AGAP1: variants seen among roughly 807,000 people sequenced by gnomAD.
The protein encoded by AGAP1 is ArfGAP with GTPase domain, ankyrin repeat and PH domain 1.
AGAP1 carries 29 observed loss-of-function variants against 105.3 expected under a neutral mutation model. That is an observed-to-expected ratio of 0.28 (90% CI 0.21 to 0.38). AGAP1 has a LOEUF of 0.38. AGAP1 is among the 10% of genes least tolerant of loss of function. AGAP1 has a pLI of 1.00. For synonymous variants in AGAP1, 509 were observed against 485.9 expected (o/e 1.05, Z -0.63); for missense variants, 998 against 1,165.1 (o/e 0.86, Z 2.09).
chr2:236,049,310 C>T (rs751899886), intron 16 of AGAP1, 29 bp downstream of exon 16: 99 of 1,591,964 alleles, frequency 6.2e-5, no homozygotes, highest in South Asian at 1.8e-4. Flanking sequence ...GCCTGGCTCC[C>T]GACACGTTTG....
rs1254586595 is a variant in AGAP1, at chr2:235,875,052, G to C, written c.1051-8293G>C. 1.3e-5 allele frequency among the ~76,000 whole-genome samples: 2 copies of C among 152,128 alleles called. No individual in the cohort carries two copies. Among genetic ancestry groups the C allele is most frequent in the Non-Finnish European group, 2.9e-5 (2 of 68,022 alleles). On this transcript the variant is annotated intron_variant, in intron 9 of 17. Transcript: ENST00000304032. This position sits in a 1 kb window ranked among gnomAD's most constrained non-coding sequence, Gnocchi z 4.0. The stretch of plus-strand genomic sequence containing the variant: ...ACTGAGTTTTGGGAGAAGAACCCTG[G>C]AGGCCAAAGGCAGTATTCCTGGGGT...
rs1416605203 is a variant in AGAP1 at position 235,559,092 on chromosome 2, T to C, written c.163+64243T>C. ...CATGCGCCACTACACCCGACTAATA[T>C]TTTGTATTCGTGTGTGTGTAGGTGG... On this transcript the variant is annotated intron_variant, in intron 1 of 17. Coordinates refer to ENST00000304032, the MANE Select transcript of AGAP1 (RefSeq NM_001037131.3). This position sits in a 1 kb window ranked among gnomAD's most constrained non-coding sequence, Gnocchi z 5.7. Among the ~76,000 whole-genome samples the C allele has an allele frequency of 6.6e-6, 1 of 152,048 alleles. No individual in the cohort carries two copies. Among genetic ancestry groups the C allele is most frequent in the African/African-American group, 2.4e-5 (1 of 41,404 alleles).
intron 12 of AGAP1, among the ~76,000 whole-genome samples, chr2:235,954,573 CTG>C (rs1454088127): frequency 1.3e-5 from 2 of 149,826 alleles, no homozygotes; most frequent in Non-Finnish European, 3.0e-5. Flanking sequence ...TGCGTTTTAA[CTG>C]TGTGAATGAT....
At position 236,045,061 on chromosome 2, in the gene AGAP1, C is replaced by T. The variant is rs764634421; in HGVS notation, c.1892-3998C>T. On this transcript the variant is annotated intron_variant, in intron 15 of 17. Coordinates refer to ENST00000304032, the MANE Select transcript of AGAP1 (RefSeq NM_001037131.3). The surrounding 1 kb of genome is among the most constrained non-coding windows in gnomAD (Gnocchi z 6.9). ...TCCTGAGCAGCTGTGACTACATGTG[C>T]GTGCCACCACGCCGACCTGATTTTT... Among the ~76,000 whole-genome samples the T allele has an allele frequency of 2.6e-5, 4 of 152,116 alleles. No homozygotes were observed. Among genetic ancestry groups the T allele is most frequent in the East Asian group, 3.9e-4 (2 of 5,176 alleles).
At chr2:235,638,202 G>A (rs147513852) in intron 1 of AGAP1, among the ~76,000 whole-genome samples, 25 of 152,288 alleles carry the variant, frequency 1.6e-4, no homozygotes, top group African/African-American at 3.6e-4. Context: ...GCAGAGCTGC[G>A]TGGCCTGGGT....
intron 1 of AGAP1, among the ~76,000 whole-genome samples, chr2:235,545,701 G>T (rs1053778402): frequency 4.6e-5 from 7 of 152,228 alleles, no homozygotes; most frequent in Admixed American, 4.6e-4. Context: ...GGATTACTTG[G>T]CTGGAGTCCT....
intron 1 of AGAP1, among the ~76,000 whole-genome samples, chr2:235,544,446 G>A (rs1039970006): frequency 4.6e-5 from 7 of 152,206 alleles, no homozygotes; most frequent in African/African-American, 1.2e-4. Flanking sequence ...GGGCCTCAGC[G>A]GTCCCCTTAG....
At chr2:235,820,268 A>G (rs994763095) in intron 9 of AGAP1, among the ~76,000 whole-genome samples, 3 of 152,216 alleles carry the variant, frequency 2.0e-5, no homozygotes, top group African/African-American at 7.2e-5. Context: ...TACAGTATTC[A>G]TTAAATTGTA....
chr2:236,081,085 A>C (rs1576256711), intron 16 of AGAP1, among the ~76,000 whole-genome samples: 1 of 152,012 alleles, frequency 6.6e-6, no homozygotes, highest in African/African-American at 2.4e-5. Flanking sequence ...ATGTCATCAA[A>C]CCCCCATGAC....
intron 11 of AGAP1, among the ~76,000 whole-genome samples, chr2:235,916,712 G>A (rs1575772759): frequency 6.6e-6 from 1 of 152,210 alleles, no homozygotes; most frequent in African/African-American, 2.4e-5. Flanking sequence ...GGCCGATGCT[G>A]ACTTCACAGA....
At chr2:235,738,852 C>T (rs1417973079) in intron 3 of AGAP1, among the ~76,000 whole-genome samples, 1 of 152,084 alleles carries the variant, frequency 6.6e-6, no homozygotes, top group African/African-American at 2.4e-5. Context: ...GCCACCGCGC[C>T]CAGCCTTAAA....
chr2:235,968,055 T>G (rs2054481413), intron 12 of AGAP1, among the ~76,000 whole-genome samples: 1 of 152,224 alleles, frequency 6.6e-6, no homozygotes, highest in Non-Finnish European at 1.5e-5. Flanking sequence ...CAAACCCACT[T>G]AAGATGATAT....
chr2:235,771,473 G>A (rs1575410094), intron 6 of AGAP1, among the ~76,000 whole-genome samples: 1 of 152,336 alleles, frequency 6.6e-6, no homozygotes, highest in East Asian at 1.9e-4. Context: ...GCATGTGGGC[G>A]TGCAAAGATG....
At chr2:235,656,761 A>G (rs1200699224) in intron 1 of AGAP1, among the ~76,000 whole-genome samples, 1 of 152,206 alleles carries the variant, frequency 6.6e-6, no homozygotes, top group Non-Finnish European at 1.5e-5. Flanking sequence ...TGTAGAAGTA[A>G]CTTGCCTTGC....
At chr2:235,923,616 C>T (rs367867020) in intron 11 of AGAP1, among the ~76,000 whole-genome samples, 5 of 150,750 alleles carry the variant, frequency 3.3e-5, no homozygotes, top group Non-Finnish European at 7.4e-5. Context: ...TTGGCACTCT[C>T]GTGCTTGTCT....
chr2:235,884,577 A>G (rs753978911), intron 10 of AGAP1, among the ~76,000 whole-genome samples: 1 of 151,076 alleles, frequency 6.6e-6, no homozygotes, highest in Non-Finnish European at 1.5e-5. Flanking sequence ...TGGCCTCCCA[A>G]ATAGCTGGAA....
At chr2:235,907,026 A>G (rs2051339032) in intron 10 of AGAP1, among the ~76,000 whole-genome samples, 1 of 152,072 alleles carries the variant, frequency 6.6e-6, no homozygotes, top group Non-Finnish European at 1.5e-5. Context: ...CAAAAAACAA[A>G]ACAAAACAAA....
intron 9 of AGAP1, among the ~76,000 whole-genome samples, chr2:235,817,343 C>T (rs553821761): frequency 1.0e-3 from 153 of 152,010 alleles, no homozygotes; most frequent in African/African-American, 3.5e-3. Context: ...AAGAAGGTGG[C>T]GGCTTAATAA....
chr2:236,095,654 A>G lies in AGAP1; in HGVS notation c.2115-24538A>G, dbSNP rs572009445. 6.6e-6 allele frequency among the ~76,000 whole-genome samples: 1 copy of G among 152,342 alleles called. No homozygotes were observed. Among genetic ancestry groups the G allele is most frequent in the South Asian group, 2.1e-4 (1 of 4,826 alleles). On this transcript the variant is annotated intron_variant, in intron 16 of 17. Transcript: ENST00000304032. This position sits in a 1 kb window ranked among gnomAD's most constrained non-coding sequence, Gnocchi z 4.1. ...TACAGTGTTGTGGTAATGTACTTTG[A>G]TGGAGTCAAGTTTGCAAAAAATGCA...
Sources: gnomAD v4.1 joint callset for allele counts (sites outside exome capture counted in the v4.1 genomes callset) on GRCh38, gnomAD v4.1.1 for gene constraint, Gnocchi (gnomAD v3.1) non-coding constraint, MANE v1.5 for transcripts, NCBI Gene and HGNC (gene_info 2026-07-23, HGNC 2026-07-21) for gene names.